GCH1: variants seen among roughly 807,000 people sequenced by gnomAD.
GCH1 encodes the protein GTP cyclohydrolase I.
A neutral mutation model predicts 25.9 loss-of-function variants in GCH1; 5 were observed. The observed-to-expected ratio is 0.19, with a 90% confidence interval of 0.10 to 0.41. GCH1 has a LOEUF of 0.41. GCH1 is among the 10% of genes least tolerant of loss of function. The probability of loss-of-function intolerance (pLI) is 1.00; values close to 1 mark genes in which losing one functional copy is unlikely to be tolerated. For synonymous variants in GCH1, 159 were observed against 129.6 expected (o/e 1.23, Z -1.54); for missense variants, 261 against 336.5 (o/e 0.78, Z 1.75).
chr14:54,850,773 C>G (rs554525050), intron 3 of GCH1, among the ~76,000 whole-genome samples: 1 of 152,282 alleles, frequency 6.6e-6, no homozygotes, highest in Admixed American at 6.5e-5. Context: ...ATGATGGTTT[C>G]CAGCTTCATC....
intron 1 of GCH1, among the ~76,000 whole-genome samples, chr14:54,866,256 C>T (rs1352684895): frequency 6.6e-6 from 1 of 152,044 alleles, no homozygotes; most frequent in Non-Finnish European, 1.5e-5. Context: ...ACATCCTGTC[C>T]TGGATGCTGA....
At chr14:54,858,497 G>T (rs2039847285) in intron 3 of GCH1, among the ~76,000 whole-genome samples, 1 of 151,888 alleles carries the variant, frequency 6.6e-6, no homozygotes, top group Non-Finnish European at 1.5e-5. Context: ...TGTTGGTGAG[G>T]CTGGTCTCAA....
Position 54,843,420 on chromosome 14 carries a change from T to C in GCH1, c.*597A>G. 1 of 1,228,314 alleles carries C rather than the reference T, an allele frequency of 8.1e-7. No individual in the cohort carries two copies. The highest frequency in any genetic ancestry group is 1.0e-6 in the Non-Finnish European group (1 of 983,900). 76.1% of individuals were successfully genotyped at this position (1,228,314 alleles called of 1,614,324 possible). A position where few individuals can be genotyped will look rare whatever the true frequency, so the allele number is the denominator to read the frequency against. ...AACAATAGAAGGTAGAAATGTGCCTTTTTAACTCACAGTAAAATCAAAAAC... is the reference window on the plus strand; with the variant it reads ...AACAATAGAAGGTAGAAATGTGCCTCTTTAACTCACAGTAAAATCAAAAAC... On this transcript the variant is annotated 3_prime_UTR_variant, in exon 6 of 6. Coordinates refer to ENST00000491895, the MANE Select transcript of GCH1 (RefSeq NM_000161.3).
At chr14:54,895,302 C>T (rs1441972282) in intron 1 of GCH1, among the ~76,000 whole-genome samples, 3 of 152,208 alleles carry the variant, frequency 2.0e-5, no homozygotes, top group Admixed American at 6.5e-5. Context: ...CATCTCCTCA[C>T]GCTGGATTAT....
chr14:54,861,584 G>C (rs1377307550), intron 2 of GCH1, among the ~76,000 whole-genome samples: 1 of 151,968 alleles, frequency 6.6e-6, no homozygotes, highest in Non-Finnish European at 1.5e-5. Flanking sequence ...TTAGCCAGGC[G>C]TGGTGGCGGG....
chr14:54,857,903 C>T (rs528551122), intron 3 of GCH1, among the ~76,000 whole-genome samples: 1 of 152,318 alleles, frequency 6.6e-6, no homozygotes. Context: ...TGCTAAGAGC[C>T]TTATTCCAGT....
At position 54,893,215 on chromosome 14, in the gene GCH1, A is replaced by G. The variant is rs78886498; in HGVS notation, c.343+9106T>C. On this transcript the variant is annotated intron_variant, in intron 1 of 5. Transcript: ENST00000491895. Reference sequence around the variant, plus strand: ...ATAACCCAACACAAATTATATCCCAATCTAATTACTATAGACTCTAGCAAA... The same window carrying G: ...ATAACCCAACACAAATTATATCCCAGTCTAATTACTATAGACTCTAGCAAA... Among the ~76,000 whole-genome samples, 36 of 152,350 alleles carry G rather than the reference A, an allele frequency of 2.4e-4. No homozygotes were observed. In the East Asian group the frequency reaches 5.6e-3, roughly 24 times the overall value.
intron 2 of GCH1, among the ~76,000 whole-genome samples, chr14:54,863,267 A>C (rs571039617): frequency 1.3e-5 from 2 of 151,462 alleles, no homozygotes; most frequent in African/African-American, 2.4e-5. Context: ...AAAATACAAC[A>C]ACAAAATTAG....
At chr14:54,885,330 G>A (rs1159828870) in intron 1 of GCH1, 2 of 248,386 alleles carry the variant, frequency 8.1e-6, no homozygotes, top group Admixed American at 4.7e-5. Context: ...CAGTGAACCA[G>A]TCAAGATCCA....
intron 1 of GCH1, among the ~76,000 whole-genome samples, chr14:54,874,020 A>G (rs2040120865): frequency 6.6e-6 from 1 of 152,178 alleles, no homozygotes; most frequent in Non-Finnish European, 1.5e-5. Context: ...CTGATACCAA[A>G]GTCTGGCAGA....
At position 54,902,826 on chromosome 14, in the gene GCH1, T is replaced by G; in HGVS notation, c.-163A>C. The G allele has an allele frequency of 2.1e-6, 2 of 961,824 alleles. No individual in the cohort carries two copies. The highest frequency in any genetic ancestry group is 2.7e-6 in the Non-Finnish European group (2 of 734,370). 59.6% of individuals were successfully genotyped at this position (961,824 alleles called of 1,614,324 possible). A position where few individuals can be genotyped will look rare whatever the true frequency, so the allele number is the denominator to read the frequency against. Reference sequence around the variant, plus strand: ...CTCCGAGCCGGGAGCGGCCACAGGCTGGAAAGCCCGGCCGCGCCTCCTTTT... The same window carrying G: ...CTCCGAGCCGGGAGCGGCCACAGGCGGGAAAGCCCGGCCGCGCCTCCTTTT... On this transcript the variant is annotated 5_prime_UTR_variant, in exon 1 of 6. Coordinates refer to ENST00000491895, the MANE Select transcript of GCH1 (RefSeq NM_000161.3).
chr14:54,896,912 T>G (rs1248817935), intron 1 of GCH1, among the ~76,000 whole-genome samples: 1 of 136,964 alleles, frequency 7.3e-6, no homozygotes, highest in Admixed American at 7.1e-5. Flanking sequence ...GAGTGAGACT[T>G]CATCTCAAAA....
At chr14:54,900,561 TC>T (rs929284762) in intron 1 of GCH1, among the ~76,000 whole-genome samples, 2 of 152,288 alleles carry the variant, frequency 1.3e-5, no homozygotes, top group Non-Finnish European at 2.9e-5. Flanking sequence ...CAGTTATTAA[TC>T]CTCTTTAAAT....
rs199678312 is a variant in GCH1, at chr14:54,880,848, C to CATATATATATAT, written c.344-15413_344-15412insATATATATATAT. ...ATATACTCCATATATATATATACTC[C>CATATATATATAT]ATATATATATACTCCATAATATATG... On this transcript the variant is annotated intron_variant, in intron 1 of 5. Transcript: ENST00000491895. Among the ~76,000 whole-genome samples, 3 of 63,732 alleles carry CATATATATATAT rather than the reference C, an allele frequency of 4.7e-5. 1 individual carries two copies. The highest frequency in any genetic ancestry group is 2.8e-4 in the African/African-American group (3 of 10,538). The allele number at this position is 63,732 out of a possible 152,430, so 41.8% of individuals were successfully genotyped here.
chr14:54,894,319 T>G (rs1024269209), intron 1 of GCH1, among the ~76,000 whole-genome samples: 6 of 152,116 alleles, frequency 3.9e-5, no homozygotes, highest in African/African-American at 1.4e-4. Context: ...AGGCAGCGAC[T>G]GGAGTGACGC....
intron 1 of GCH1, among the ~76,000 whole-genome samples, chr14:54,899,947 C>T (rs1409342160): frequency 6.6e-6 from 1 of 151,874 alleles, no homozygotes; most frequent in Non-Finnish European, 1.5e-5. Flanking sequence ...TCACTGCAAC[C>T]TCCGCCTCCA....
At chr14:54,876,195 T>C (rs1252453310) in intron 1 of GCH1, among the ~76,000 whole-genome samples, 3 of 152,168 alleles carry the variant, frequency 2.0e-5, no homozygotes, top group Non-Finnish European at 2.9e-5. Flanking sequence ...ATGTCCTTTG[T>C]AGAGACATGG....
chr14:54,853,323 T>C (rs2039762797), intron 3 of GCH1, among the ~76,000 whole-genome samples: 1 of 152,204 alleles, frequency 6.6e-6, no homozygotes, highest in South Asian at 2.1e-4. Context: ...ACACAGGTAG[T>C]ACTAATTCTG....
intron 1 of GCH1, among the ~76,000 whole-genome samples, chr14:54,898,147 A>G (rs1036291207): frequency 1.3e-5 from 2 of 152,222 alleles, no homozygotes; most frequent in African/African-American, 2.4e-5. Context: ...TGGGAGACCA[A>G]GAGGAGAGGA....
Sources: allele counts gnomAD v4.1 joint callset (sites outside exome capture counted in the v4.1 genomes callset), GRCh38; gene constraint gnomAD v4.1.1; transcripts MANE v1.5; gene names NCBI Gene and HGNC (gene_info 2026-07-23, HGNC 2026-07-21).